ATXN1L: variants seen among roughly 807,000 people sequenced by gnomAD.
ATXN1L encodes ataxin-1-like.
Under a neutral mutation model 43.4 loss-of-function variants are expected in ATXN1L, and 8 were observed. The ratio of observed to expected loss-of-function variants is 0.18; its 90% CI spans 0.11 to 0.33. The LOEUF is 0.33. Among genes scored for constraint, ATXN1L ranks in the 10% least tolerant of loss-of-function variants. The pLI is 1.00. For missense variants in ATXN1L, 856 were observed against 885.4 expected (o/e 0.97, Z 0.42); for synonymous variants, 379 against 360.6 (o/e 1.05, Z -0.58).
At chr16:71,848,327 A>G (rs1287359145) in intron 2 of ATXN1L, 1 of 257,850 alleles carries the variant, frequency 3.9e-6, no homozygotes, top group Non-Finnish European at 7.8e-6. Context: ...AATCATACAG[A>G]TACGGGGAAA....
chr16:71,846,383 G>A (rs2033443192), intron 1 of ATXN1L, among the ~76,000 whole-genome samples: 1 of 152,254 alleles, frequency 6.6e-6, no homozygotes, highest in African/African-American at 2.4e-5. Context: ...AGCGTCGCCT[G>A]CAGGGCCTCG....
In ATXN1L at chr16:71,850,713, C is replaced by T; in HGVS notation, c.973C>T (p.Pro325Ser). The T allele has an allele frequency of 6.4e-7, 1 of 1,551,704 alleles. No homozygotes were observed. Among genetic ancestry groups the T allele is most frequent in the Non-Finnish European group, 8.7e-7 (1 of 1,146,996 alleles). The change falls in exon 3 of 3, where the codon CCA (proline) becomes TCA (serine). Residue 325 changes from proline to serine, a missense_variant. Pro to Ser is a moderately conservative substitution (Grantham distance 74). Around this residue, in one of 7 missense-constraint regions of ATXN1L, gnomAD observed 490 missense variants for 449.4 expected, o/e 1.09. Coordinates refer to ENST00000427980, the MANE Select transcript of ATXN1L (RefSeq NM_001137675.4). The part of the protein sequence containing the change: ...SQTPRVEVAA[P>S]AHRGTPDTDL... Reference sequence around the variant, plus strand: ...GACTCCACGGGTAGAGGTAGCAGCACCAGCACACCGGGGGACCCCGGACAC... The same window carrying T: ...GACTCCACGGGTAGAGGTAGCAGCATCAGCACACCGGGGGACCCCGGACAC...
rs754598039 is a variant in ATXN1L, at chr16:71,852,520, T to G, written c.*710T>G. On this transcript the variant is annotated 3_prime_UTR_variant, in exon 3 of 3. Transcript: ENST00000427980. The stretch of plus-strand genomic sequence containing the variant: ...CAGGGTTCAGAGTGAAGTACTACCT[T>G]GCCAGGGACTCAGTCAGGGGACTTT... The G allele has an allele frequency of 2.4e-5, 4 of 167,146 alleles. No homozygotes were observed. The highest frequency in any genetic ancestry group is 4.8e-5 in the African/African-American group (2 of 41,452). The allele number at this position is 167,146 out of a possible 1,614,324, so 10.4% of individuals were successfully genotyped here.
Position 71,850,181 on chromosome 16 carries a change from C to T in ATXN1L, c.441C>T (p.Pro147=). 1 of 1,551,760 alleles carries T rather than the reference C, an allele frequency of 6.4e-7. No individual in the cohort carries two copies. The highest frequency in any genetic ancestry group is 8.7e-7 in the Non-Finnish European group (1 of 1,146,998). The change falls in exon 3 of 3, where the codon CCC becomes CCT. Residue 147 remains proline (P), a synonymous_variant. Coordinates refer to ENST00000427980, the MANE Select transcript of ATXN1L (RefSeq NM_001137675.4). ...LQFIGSPYSL[P]YAVPPNFLPS... is the part of the protein sequence containing the mutation. ...TCATTGGGTCTCCTTATAGCCTTCCCTATGCTGTGCCACCTAATTTCCTAC... is the reference window on the plus strand; with the variant it reads ...TCATTGGGTCTCCTTATAGCCTTCCTTATGCTGTGCCACCTAATTTCCTAC...
In ATXN1L at chr16:71,851,876, G is replaced by A; in HGVS notation, c.*66G>A. ...CTCGCCTCGCCGCCGTGAGCAGGCA[G>A]AGGATTTGCACACGCCGAGCAGGGA... is the stretch of plus-strand genomic sequence containing the variant. On this transcript the variant is annotated 3_prime_UTR_variant, in exon 3 of 3. Transcript: ENST00000427980. The surrounding 1 kb of genome is among the most constrained non-coding windows in gnomAD (Gnocchi z 4.9). 7.2e-7 allele frequency: 1 copy of A among 1,379,608 alleles called. No individual in the cohort carries two copies. The highest frequency in any genetic ancestry group is 9.4e-7 in the Non-Finnish European group (1 of 1,058,690). The allele number at this position is 1,379,608 out of a possible 1,614,324, so 85.5% of individuals were successfully genotyped here.
rs905066897 is a variant in ATXN1L at position 71,846,048 on chromosome 16, G to A, written c.-236G>A. The A allele has an allele frequency of 1.1e-5, 2 of 189,566 alleles. No individual in the cohort carries two copies. The highest frequency in any genetic ancestry group is 7.1e-5 in the South Asian group (1 of 14,006). 11.7% of individuals were successfully genotyped at this position (189,566 alleles called of 1,614,324 possible). A position where few individuals can be genotyped will look rare whatever the true frequency, so the allele number is the denominator to read the frequency against. On this transcript the variant is annotated 5_prime_UTR_variant, in exon 1 of 3. Coordinates refer to ENST00000427980, the MANE Select transcript of ATXN1L (RefSeq NM_001137675.4). ...GGGGCCGGGGATGGCGGCGGCCGCG[G>A]TTGCGGCGGCTCCGGGACGAGTGAG... is the stretch of plus-strand genomic sequence containing the variant.
At position 71,854,517 on chromosome 16, in the gene ATXN1L, C is replaced by T. The variant is rs1401924882; in HGVS notation, c.*2707C>T. 6.0e-6 allele frequency: 1 copy of T among 167,076 alleles called. No homozygotes were observed. Among genetic ancestry groups the T allele is most frequent in the African/African-American group, 2.4e-5 (1 of 41,438 alleles). The allele number at this position is 167,076 out of a possible 1,614,324, so 10.3% of individuals were successfully genotyped here. On this transcript the variant is annotated 3_prime_UTR_variant, in exon 3 of 3. Coordinates refer to ENST00000427980, the MANE Select transcript of ATXN1L (RefSeq NM_001137675.4). ...GGAAAAGAATCTCTGTGCTCTAAATCTCGGTCAGAGCTGTGGCCTCCCCCT... is the reference window on the plus strand; with the variant it reads ...GGAAAAGAATCTCTGTGCTCTAAATTTCGGTCAGAGCTGTGGCCTCCCCCT...
Position 71,851,967 on chromosome 16 carries a change from T to C in ATXN1L, c.*157T>C, listed in dbSNP as rs1381978168. On this transcript the variant is annotated 3_prime_UTR_variant, in exon 3 of 3. Transcript: ENST00000427980. This position sits in a 1 kb window ranked among gnomAD's most constrained non-coding sequence, Gnocchi z 4.9. The stretch of plus-strand genomic sequence containing the variant: ...ATGAAGTCAGCCTCCCAAGGCAGGA[T>C]CTGTTGTTCATTACCCCATGGCATC... 8 of 856,548 alleles carry C rather than the reference T, an allele frequency of 9.3e-6. No homozygotes were observed. The highest frequency in any genetic ancestry group is 3.6e-5 in the South Asian group (1 of 27,518). 53.1% of individuals were successfully genotyped at this position (856,548 alleles called of 1,614,324 possible). A position where few individuals can be genotyped will look rare whatever the true frequency, so the allele number is the denominator to read the frequency against.
chr16:71,847,490 CT>C lies in ATXN1L; in HGVS notation c.-179-519del, dbSNP rs574444587. 7.9e-3 allele frequency among the ~76,000 whole-genome samples: 1,202 copies of C among 152,066 alleles called. 10 individuals are homozygous for C. The highest frequency in any genetic ancestry group is 0.054 in the Middle Eastern group (16 of 294). On this transcript the variant is annotated intron_variant, in intron 1 of 2. Transcript: ENST00000427980. The stretch of plus-strand genomic sequence containing the variant: ...AGTCTTCTCCTTGAGTGACTCCCCC[CT>C]GACCTCTTTTTCTGCCCCAGAAACA...
rs928042112 is a variant in ATXN1L, at chr16:71,857,275, A to G, written c.*5465A>G. 20 of 160,854 alleles carry G rather than the reference A, an allele frequency of 1.2e-4. No homozygotes were observed. Among genetic ancestry groups the G allele is most frequent in the African/African-American group, 4.8e-4 (20 of 41,448 alleles). The allele number at this position is 160,854 out of a possible 1,614,324, so 10.0% of individuals were successfully genotyped here. ...AACTTGTGGACTATGTAAACACAATATCTATCAATATCTATATATCTATAT... is the reference window on the plus strand; with the variant it reads ...AACTTGTGGACTATGTAAACACAATGTCTATCAATATCTATATATCTATAT... On this transcript the variant is annotated 3_prime_UTR_variant, in exon 3 of 3. Coordinates refer to ENST00000427980, the MANE Select transcript of ATXN1L (RefSeq NM_001137675.4).
rs1382306201 is a variant in ATXN1L at position 71,852,878 on chromosome 16, T to G, written c.*1068T>G. On this transcript the variant is annotated 3_prime_UTR_variant, in exon 3 of 3. Coordinates refer to ENST00000427980, the MANE Select transcript of ATXN1L (RefSeq NM_001137675.4). Reference sequence around the variant, plus strand: ...TGTCCACTCTGACCAAGACCTCTAGTTTTTGGTGGGTAGGGGGTCTCTCTG... The same window carrying G: ...TGTCCACTCTGACCAAGACCTCTAGGTTTTGGTGGGTAGGGGGTCTCTCTG... 2 of 167,130 alleles carry G rather than the reference T, an allele frequency of 1.2e-5. No homozygotes were observed. The highest frequency in any genetic ancestry group is 1.5e-5 in the Non-Finnish European group (1 of 68,150). 10.4% of individuals were successfully genotyped at this position (167,130 alleles called of 1,614,324 possible). A position where few individuals can be genotyped will look rare whatever the true frequency, so the allele number is the denominator to read the frequency against.
At position 71,853,407 on chromosome 16, in the gene ATXN1L, C is replaced by T. The variant is rs1440369896; in HGVS notation, c.*1597C>T. The T allele has an allele frequency of 6.0e-6, 1 of 166,986 alleles. No homozygotes were observed. Among genetic ancestry groups the T allele is most frequent in the African/African-American group, 2.4e-5 (1 of 41,380 alleles). The allele number at this position is 166,986 out of a possible 1,614,324, so 10.3% of individuals were successfully genotyped here. A position where few individuals can be genotyped will look rare whatever the true frequency, so the allele number is the denominator to read the frequency against. On this transcript the variant is annotated 3_prime_UTR_variant, in exon 3 of 3. Coordinates refer to ENST00000427980, the MANE Select transcript of ATXN1L (RefSeq NM_001137675.4). ...TGTTTGTTTTTTGGGGGTCTTTAGA[C>T]TCTTGAAGGCAACTCAGGGTATTGT...
rs1485022654 is a variant in ATXN1L, at chr16:71,856,491, G to A, written c.*4681G>A. The A allele has an allele frequency of 6.0e-6, 1 of 167,052 alleles. No individual in the cohort carries two copies. The highest frequency in any genetic ancestry group is 1.5e-5 in the Non-Finnish European group (1 of 68,136). The allele number at this position is 167,052 out of a possible 1,614,324, so 10.3% of individuals were successfully genotyped here. On this transcript the variant is annotated 3_prime_UTR_variant, in exon 3 of 3. Coordinates refer to ENST00000427980, the MANE Select transcript of ATXN1L (RefSeq NM_001137675.4). ...ACAGTGGTTTTACACCCACCCCCTGGGCAGGGAGTTTGCACGTAGTTGTGA... is the reference window on the plus strand; with the variant it reads ...ACAGTGGTTTTACACCCACCCCCTGAGCAGGGAGTTTGCACGTAGTTGTGA...
In ATXN1L at chr16:71,850,659, G is replaced by T. The variant is rs1174826084; in HGVS notation, c.919G>T (p.Val307Leu). ...ACTGGTGCCAGTGGTAGAATGTGTG[G>T]TGGATGGACAGTTGTTTTCAGGTTC... ...QGLVPVVECV[V>L]DGQLFSGSQT... is the part of the protein sequence containing the mutation. Residue 307 changes from valine (V) to leucine (L), a missense_variant, in exon 3 of 3, where the codon GTG becomes TTG. By Grantham distance (32) the Val-to-Leu change is conservative. Coordinates refer to ENST00000427980, the MANE Select transcript of ATXN1L (RefSeq NM_001137675.4). 1 of 1,551,742 alleles carries T rather than the reference G, an allele frequency of 6.4e-7. No homozygotes were observed. The highest frequency in any genetic ancestry group is 2.4e-5 in the East Asian group (1 of 40,924).
Position 71,849,823 on chromosome 16 carries a change from G to C in ATXN1L, c.83G>C (p.Arg28Thr). 5 of 1,551,058 alleles carry C rather than the reference G, an allele frequency of 3.2e-6. No homozygotes were observed. Among genetic ancestry groups the C allele is most frequent in the Non-Finnish European group, 4.4e-6 (5 of 1,146,640 alleles). ...DLPVTSEDMGRTTSCSTNHTP... is the reference protein window; with the variant it reads ...DLPVTSEDMGTTTSCSTNHTP... The stretch of plus-strand genomic sequence containing the variant: ...CCCGTGACCAGCGAGGATATGGGGA[G>C]AACTACCAGCTGCTCCACTAACCAC... The change falls in exon 3 of 3, where the codon AGA (arginine) becomes ACA (threonine). Residue 28 changes from arginine (R) to threonine (T), a missense_variant. Around this residue, in one of 7 missense-constraint regions of ATXN1L, gnomAD observed 93 missense variants for 113.4 expected, o/e 0.82. Transcript: ENST00000427980.
rs1490504627 is a variant in ATXN1L at position 71,851,297 on chromosome 16, T to C, written c.1557T>C (p.Pro519=). ...TVVDIQESQW[P]GFVMLHFVVG... ...TGGACATTCAGGAGAGCCAATGGCC[T>C]GGATTTGTCATGCTGCATTTTGTGG... Residue 519 remains proline, a synonymous_variant, in exon 3 of 3, where the codon CCT becomes CCC. Transcript: ENST00000427980. The surrounding 1 kb of genome is among the most constrained non-coding windows in gnomAD (Gnocchi z 4.9). 1 of 1,551,482 alleles carries C rather than the reference T, an allele frequency of 6.4e-7. No homozygotes were observed. Among genetic ancestry groups the C allele is most frequent in the Non-Finnish European group, 8.7e-7 (1 of 1,146,966 alleles).
chr16:71,847,739 T>C (rs2033457891), intron 1 of ATXN1L, among the ~76,000 whole-genome samples: 1 of 152,084 alleles, frequency 6.6e-6, no homozygotes, highest in African/African-American at 2.4e-5. Context: ...CACAGGTAGA[T>C]GTTAGGGAAA....
Position 71,851,561 on chromosome 16 carries a change from G to C in ATXN1L, c.1821G>C (p.Arg607Ser), listed in dbSNP as rs1428103108. The change falls in exon 3 of 3, where the codon AGG becomes AGC. Residue 607 changes from arginine (R) to serine (S), a missense_variant. Arg to Ser is a moderately radical substitution (Grantham distance 110, BLOSUM62 -1). This residue lies in a region of ATXN1L where 185 missense variants were observed against 176.8 expected (regional missense o/e 1.05). Coordinates refer to ENST00000427980, the MANE Select transcript of ATXN1L (RefSeq NM_001137675.4). This position sits in a 1 kb window ranked among gnomAD's most constrained non-coding sequence, Gnocchi z 4.9. ...GCCAGCTGGGTCCCCCCCGAGAAAG[G>C]CCTGAGAGGACGGTCTTGGGATCCA... ...PPSQLGPPRE[R>S]PERTVLGSRE... is the part of the protein sequence containing the mutation. 1.3e-6 allele frequency: 2 copies of C among 1,551,478 alleles called. No individual in the cohort carries two copies. The highest frequency in any genetic ancestry group is 1.7e-6 in the Non-Finnish European group (2 of 1,146,940).
chr16:71,852,478 C>T lies in ATXN1L; in HGVS notation c.*668C>T, dbSNP rs190429632. ...CAAGGCTTCTAGCAGCACGGGGGCC[C>T]GGAGGGAGAGCCCCTTCAGGGTTCA... On this transcript the variant is annotated 3_prime_UTR_variant, in exon 3 of 3. Transcript: ENST00000427980. 408 of 167,234 alleles carry T rather than the reference C, an allele frequency of 2.4e-3. 5 individuals carry two copies. Among genetic ancestry groups the T allele is most frequent in the Admixed American group, 0.015 (224 of 15,298 alleles). The allele number at this position is 167,234 out of a possible 1,614,324, so 10.4% of individuals were successfully genotyped here.
Sources: allele counts gnomAD v4.1 joint callset (sites outside exome capture counted in the v4.1 genomes callset), GRCh38; gene constraint gnomAD v4.1.1; regional missense constraint gnomAD v4.1.1; non-coding constraint Gnocchi (gnomAD v3.1); transcripts MANE v1.5; gene names NCBI Gene and HGNC (gene_info 2026-07-23, HGNC 2026-07-21).